CAVIN1: variants seen among roughly 807,000 people sequenced by gnomAD.
CAVIN1 encodes the protein caveolae associated protein 1.
In CAVIN1, 16 loss-of-function variants were observed where a neutral mutation model predicts 24.0. That is an observed-to-expected ratio of 0.67 (90% CI 0.45 to 1.01). The LOEUF (loss-of-function observed/expected upper bound fraction) is 1.01. Ranked by LOEUF, CAVIN1 falls within the 50% of genes least tolerant of loss-of-function variation. The pLI, the probability that CAVIN1 is intolerant of heterozygous loss-of-function variation, is 0.00. For missense variants in CAVIN1, 510 were observed against 551.7 expected (o/e 0.92, Z 0.76); for synonymous variants, 256 against 256.4 (o/e 1.00, Z 0.02).
In CAVIN1 at chr17:42,404,804, G is replaced by A; in HGVS notation, c.1056C>T (p.Gly352=). ...VEVGADDDEG[G]AERGEAGDLR... ...GGTCGCCGGCCTCCCCGCGCTCCGC[G>A]CCGCCCTCGTCGTCGTCGGCGCCCA... Residue 352 remains glycine, a synonymous_variant, in exon 2 of 2, where the codon GGC becomes GGT. Coordinates refer to ENST00000357037, the MANE Select transcript of CAVIN1 (RefSeq NM_012232.6). The A allele has an allele frequency of 6.2e-7, 1 of 1,610,274 alleles. No homozygotes were observed. Among genetic ancestry groups the A allele is most frequent in the Non-Finnish European group, 8.5e-7 (1 of 1,178,274 alleles).
chr17:42,410,885 T>C (rs1280992834), intron 1 of CAVIN1, among the ~76,000 whole-genome samples: 1 of 91,012 alleles, frequency 1.1e-5, no homozygotes, highest in Admixed American at 1.8e-4. Context: ...GGAGTGAGAC[T>C]CTGTCTCAAA....
Position 42,405,240 on chromosome 17 carries a change from A to C in CAVIN1, c.620T>G (p.Val207Gly). ...AALELSSDEA[V>G]EVEEVIEESR... is the part of the protein sequence containing the mutation. ...CTCCTCAATAACCTCCTCAACCTCC[A>C]CCGCCTCGTCCGACGAAAGCTCCAG... The change falls in exon 2 of 2, where the codon GTG becomes GGG. Residue 207 changes from valine (V) to glycine (G), a missense_variant. Val to Gly is a moderately radical substitution (Grantham distance 109, BLOSUM62 -3). Coordinates refer to ENST00000357037, the MANE Select transcript of CAVIN1 (RefSeq NM_012232.6). 1 of 1,612,534 alleles carries C rather than the reference A, an allele frequency of 6.2e-7. No individual in the cohort carries two copies. Among genetic ancestry groups the C allele is most frequent in the Non-Finnish European group, 8.5e-7 (1 of 1,179,678 alleles).
chr17:42,417,920 A>T (rs1261874668), intron 1 of CAVIN1, among the ~76,000 whole-genome samples: 1 of 152,084 alleles, frequency 6.6e-6, no homozygotes, highest in East Asian at 1.9e-4. Flanking sequence ...TCGGCCTCCC[A>T]AAGTGCTGGG....
chr17:42,407,485 C>A (rs2085452641), intron 1 of CAVIN1, among the ~76,000 whole-genome samples: 1 of 152,128 alleles, frequency 6.6e-6, no homozygotes, highest in African/African-American at 2.4e-5. Context: ...TCTTCCCTCC[C>A]ATCAACATCC....
intron 1 of CAVIN1, among the ~76,000 whole-genome samples, chr17:42,418,865 T>C (rs888011555): frequency 6.7e-6 from 1 of 149,762 alleles, no homozygotes; most frequent in Non-Finnish European, 1.5e-5. Context: ...TATGTATCCA[T>C]AGTAATTAAA....
Position 42,412,361 on chromosome 17 carries a change from C to T in CAVIN1, c.472-6973G>A, listed in dbSNP as rs1315884885. On this transcript the variant is annotated intron_variant, in intron 1 of 1. Coordinates refer to ENST00000357037, the MANE Select transcript of CAVIN1 (RefSeq NM_012232.6). ...AGGGGCTGGTGAGTAGGGAGGGGAG[C>T]ACAATGTATTAGGATGGAAATAAAC... 6 of 723,886 alleles carry T rather than the reference C, an allele frequency of 8.3e-6. No individual in the cohort carries two copies. In the South Asian group the frequency reaches 3.7e-4, roughly 45 times the overall value. 44.8% of individuals were successfully genotyped at this position (723,886 alleles called of 1,614,324 possible). A position where few individuals can be genotyped will look rare whatever the true frequency, so the allele number is the denominator to read the frequency against.
chr17:42,423,252 G>T lies in CAVIN1; in HGVS notation c.-155C>A. The T allele has an allele frequency of 1.6e-6, 1 of 644,766 alleles. No homozygotes were observed. 39.9% of individuals were successfully genotyped at this position (644,766 alleles called of 1,614,324 possible). A position where few individuals can be genotyped will look rare whatever the true frequency, so the allele number is the denominator to read the frequency against. ...TCCGTGCGCACCGGGACAGCGGCCA[G>T]AACTGCTGGGCGGGGGATCGGTGAG... On this transcript the variant is annotated 5_prime_UTR_variant, in exon 1 of 2. The change creates a new upstream start codon in the 5' untranslated region. Coordinates refer to ENST00000357037, the MANE Select transcript of CAVIN1 (RefSeq NM_012232.6).
chr17:42,411,849 C>T (rs991605345), intron 1 of CAVIN1: 2 of 985,226 alleles, frequency 2.0e-6, no homozygotes, highest in Non-Finnish European at 2.4e-6. Context: ...CCTTCCATTC[C>T]CCTCCCATCC....
At chr17:42,406,075 G>A (rs2085444930) in intron 1 of CAVIN1, among the ~76,000 whole-genome samples, 2 of 152,204 alleles carry the variant, frequency 1.3e-5, no homozygotes, top group African/African-American at 4.8e-5. Context: ...TCGGGTCGGA[G>A]ATGGGGTTGC....
chr17:42,421,795 G>T (rs2085548385), intron 1 of CAVIN1, among the ~76,000 whole-genome samples: 2 of 152,030 alleles, frequency 1.3e-5, no homozygotes, highest in African/African-American at 4.8e-5. Context: ...CCCCGCCCCC[G>T]CAGGCATGCG....
At chr17:42,405,617 G>A (rs969032762) in intron 1 of CAVIN1, among the ~76,000 whole-genome samples, 1 of 151,306 alleles carries the variant, frequency 6.6e-6, no homozygotes, top group Non-Finnish European at 1.5e-5. Context: ...ACCAGCCTGG[G>A]CAACATATCA....
intron 1 of CAVIN1, among the ~76,000 whole-genome samples, chr17:42,414,430 A>G (rs2085499706): frequency 6.6e-6 from 1 of 151,596 alleles, no homozygotes; most frequent in Admixed American, 6.6e-5. Flanking sequence ...TTTAAGATAG[A>G]GTCTCTCTAT....
chr17:42,407,849 T>A (rs1187732781), intron 1 of CAVIN1, among the ~76,000 whole-genome samples: 1 of 151,632 alleles, frequency 6.6e-6, no homozygotes, highest in Non-Finnish European at 1.5e-5. Context: ...TGTAGGAGAG[T>A]CTCAACTTCT....
At chr17:42,415,288 G>A (rs2085505318) in intron 1 of CAVIN1, among the ~76,000 whole-genome samples, 1 of 152,178 alleles carries the variant, frequency 6.6e-6, no homozygotes. Flanking sequence ...CCTGGGTTCT[G>A]GCTCCAGTTT....
chr17:42,423,239 G>C lies in CAVIN1; in HGVS notation c.-142C>G. The C allele has an allele frequency of 1.4e-6, 1 of 690,696 alleles. No homozygotes were observed. The highest frequency in any genetic ancestry group is 2.4e-6 in the Non-Finnish European group (1 of 418,164). 42.8% of individuals were successfully genotyped at this position (690,696 alleles called of 1,614,324 possible). Reference sequence around the variant, plus strand: ...AACTCGAGCCACGTCCGTGCGCACCGGGACAGCGGCCAGAACTGCTGGGCG... The same window carrying C: ...AACTCGAGCCACGTCCGTGCGCACCCGGACAGCGGCCAGAACTGCTGGGCG... On this transcript the variant is annotated 5_prime_UTR_variant, in exon 1 of 2. Coordinates refer to ENST00000357037, the MANE Select transcript of CAVIN1 (RefSeq NM_012232.6).
In CAVIN1 at chr17:42,423,084, G is replaced by C. The variant is rs756256091; in HGVS notation, c.14C>G (p.Thr5Arg). MEDP[T>R]LYIVERPLPG... The stretch of plus-strand genomic sequence containing the variant: ...AAGCGGCCGCTCGACAATATAGAGC[G>C]TGGGGTCCTCCATGGCTACCCGGAG... Residue 5 changes from threonine (T) to arginine (R), a missense_variant, in exon 1 of 2, where the codon ACG becomes AGG. Coordinates refer to ENST00000357037, the MANE Select transcript of CAVIN1 (RefSeq NM_012232.6). The C allele has an allele frequency of 1.3e-6, 2 of 1,587,270 alleles. No homozygotes were observed. The highest frequency in any genetic ancestry group is 2.3e-5 in the South Asian group (2 of 88,630).
Position 42,405,268 on chromosome 17 carries a change from C to T in CAVIN1, c.592G>A (p.Ala198Thr), listed in dbSNP as rs1003027848. ...EGERPEEDAA[A>T]LELSSDEAVE... ...GCCTCGTCCGACGAAAGCTCCAGCGCCGCTGCGTCCTCCTCGGGCCGCTCG... is the reference window on the plus strand; with the variant it reads ...GCCTCGTCCGACGAAAGCTCCAGCGTCGCTGCGTCCTCCTCGGGCCGCTCG... Residue 198 changes from alanine (A) to threonine (T), a missense_variant, in exon 2 of 2, where the codon GCG becomes ACG. Transcript: ENST00000357037. 1.2e-6 allele frequency: 2 copies of T among 1,613,038 alleles called. No individual in the cohort carries two copies. The highest frequency in any genetic ancestry group is 2.7e-5 in the African/African-American group (2 of 74,762).
At chr17:42,412,996 A>C (rs2085489117) in intron 1 of CAVIN1, among the ~76,000 whole-genome samples, 1 of 150,628 alleles carries the variant, frequency 6.6e-6, no homozygotes, top group Non-Finnish European at 1.5e-5. Flanking sequence ...GTGATCTCTG[A>C]TCTTGGTTCA....
Position 42,404,544 on chromosome 17 carries a change from G to C in CAVIN1, c.*143C>G, listed in dbSNP as rs148241491. On this transcript the variant is annotated 3_prime_UTR_variant, in exon 2 of 2. Transcript: ENST00000357037. ...CCCCATCGGGTCCTAACAGCTCTAA[G>C]ACTGGGAGTGGAGTTCCTGGAGGTG... 56 of 573,732 alleles carry C rather than the reference G, an allele frequency of 9.8e-5. No homozygotes were observed. The East Asian group carries it at 1.9e-3, about 20-fold the overall frequency. 35.5% of individuals were successfully genotyped at this position (573,732 alleles called of 1,614,324 possible).
Sources: gnomAD v4.1 joint callset for allele counts (sites outside exome capture counted in the v4.1 genomes callset) on GRCh38, gnomAD v4.1.1 for gene constraint, MANE v1.5 for transcripts, NCBI Gene and HGNC (gene_info 2026-07-23, HGNC 2026-07-21) for gene names.